Variants in NRXN3 observed in about 807,000 individuals in gnomAD.
The protein encoded by NRXN3 is neurexin 3.
A neutral mutation model predicts 137.6 loss-of-function variants in NRXN3; 32 were observed. The observed-to-expected ratio is 0.23, with a 90% CI of 0.18 to 0.31. The LOEUF is 0.31. NRXN3 is among the 10% of genes least tolerant of loss of function. The pLI is 1.00. For missense variants in NRXN3, 1,574 were observed against 2,062.5 expected, an observed-to-expected ratio of 0.76 and a Z score of 4.59; for synonymous variants, 798 against 784.5, an observed-to-expected ratio of 1.02 and a Z score of -0.29.
At chr14:79,364,274 A>G (rs2153423236) in intron 15 of NRXN3, among the ~76,000 whole-genome samples, 1 of 152,324 alleles carries the variant, frequency 6.6e-6, no homozygotes, top group Middle Eastern at 3.4e-3. Context: ...TAATGACCCC[A>G]TTGGAAGTCT....
chr14:79,121,981 C>G (rs574065520), intron 15 of NRXN3, among the ~76,000 whole-genome samples: 2 of 152,254 alleles, frequency 1.3e-5, no homozygotes, highest in South Asian at 4.2e-4. Context: ...CACACCATGC[C>G]ACAAACTTTG....
chr14:79,123,473 G>A (rs548110202), intron 15 of NRXN3, among the ~76,000 whole-genome samples: 5 of 152,220 alleles, frequency 3.3e-5, no homozygotes, highest in Admixed American at 3.3e-4. Flanking sequence ...CTGAAAAATA[G>A]GACCTAAAAT....
At chr14:79,632,016 G>C (rs2098356661) in intron 16 of NRXN3, among the ~76,000 whole-genome samples, 1 of 152,158 alleles carries the variant, frequency 6.6e-6, no homozygotes, top group East Asian at 1.9e-4. Context: ...CAGGCCACCT[G>C]AGCCAGCAGC....
chr14:78,414,819 C>T (rs73329110), intron 4 of NRXN3, among the ~76,000 whole-genome samples: 3,692 of 151,906 alleles, frequency 0.024, 127 homozygotes, highest in African/African-American at 0.08. Flanking sequence ...CACACGATCT[C>T]GGAGGGGTAG....
At position 78,398,337 on chromosome 14, in the gene NRXN3, C is replaced by T. The variant is rs559341926; in HGVS notation, c.757+100477C>T. Among the ~76,000 whole-genome samples, 427 of 151,714 alleles carry T rather than the reference C, an allele frequency of 2.8e-3. 1 individual carries two copies. Among genetic ancestry groups the T allele is most frequent in the South Asian group, 0.017 (84 of 4,806 alleles). ...TCTCAGTTCTTGCTATGATGTGTTT[C>T]CATTGAAACCTGGACACTTTGGTTA... is the stretch of plus-strand genomic sequence containing the variant. On this transcript the variant is annotated intron_variant, in intron 4 of 20. Coordinates refer to ENST00000335750, the MANE Select transcript of NRXN3 (RefSeq NM_001330195.2).
chr14:78,764,504 A>G lies in NRXN3; in HGVS notation c.2045-39116A>G, dbSNP rs116204330. ...CCCACCTATCACACTCCAAAACAAC[A>G]TGTGGGAAACATACCTTAAACAGCT... On this transcript the variant is annotated intron_variant, in intron 8 of 20. Transcript: ENST00000335750. Among the ~76,000 whole-genome samples the G allele has an allele frequency of 1.9e-3, 293 of 152,274 alleles. 1 individual carries two copies. Among genetic ancestry groups the G allele is most frequent in the African/African-American group, 6.8e-3 (282 of 41,558 alleles).
At chr14:78,701,049 C>T (rs975083703) in intron 6 of NRXN3, among the ~76,000 whole-genome samples, 38 of 152,214 alleles carry the variant, frequency 2.5e-4, no homozygotes, top group South Asian at 1.2e-3. Context: ...GGATTACAGG[C>T]GTGAGCCACT....
intron 16 of NRXN3, among the ~76,000 whole-genome samples, chr14:79,470,276 T>C (rs2096483214): frequency 6.6e-6 from 1 of 152,268 alleles, no homozygotes; most frequent in Admixed American, 6.5e-5. Flanking sequence ...AACAGAATAT[T>C]TGAGATTTGG....
chr14:78,492,274 G>A (rs957935630), intron 4 of NRXN3, among the ~76,000 whole-genome samples: 2 of 151,810 alleles, frequency 1.3e-5, no homozygotes, highest in Non-Finnish European at 2.9e-5. Flanking sequence ...CTAGATTTTT[G>A]GATTTTTTTA....
intron 4 of NRXN3, among the ~76,000 whole-genome samples, chr14:78,404,237 T>C (rs1484899198): frequency 6.8e-6 from 1 of 147,878 alleles, no homozygotes; most frequent in African/African-American, 2.5e-5. Context: ...TGTCGCTGCA[T>C]GGGAGCAGGC....
chr14:79,467,531 G>T, intron 16 of NRXN3, 129 bp downstream of exon 16: 1 of 788,768 alleles, frequency 1.3e-6, no homozygotes, highest in Non-Finnish European at 1.9e-6. Flanking sequence ...ATTGTTTTCA[G>T]ATGTGAACCA....
chr14:78,734,246 CACACACA>C (rs1396967436), intron 8 of NRXN3, among the ~76,000 whole-genome samples: 166 of 149,392 alleles, frequency 1.1e-3, no homozygotes, highest in Non-Finnish European at 1.9e-3. Flanking sequence ...CACACACACA[CACACACA>C]CCCTTTTCAT....
intron 15 of NRXN3, among the ~76,000 whole-genome samples, chr14:79,007,259 A>T (rs1269468205): frequency 3.3e-5 from 5 of 152,146 alleles, no homozygotes; most frequent in Non-Finnish European, 5.9e-5. Flanking sequence ...CCTGCTCTGT[A>T]TTCTAACCCT....
At chr14:79,508,390 A>ATTTTTTTTTTTTGTTTTTTTTTTTTTTT (rs2096898854) in intron 16 of NRXN3, among the ~76,000 whole-genome samples, 1 of 48,240 alleles carries the variant, frequency 2.1e-5, no homozygotes, top group Non-Finnish European at 4.0e-5. Context: ...ACAATAACTG[A>ATTTTTTTTTTTTGTTTTTTTTTTTTTTT]TTTTTTTTTT....
intron 10 of NRXN3, among the ~76,000 whole-genome samples, chr14:78,925,651 T>C (rs1278264851): frequency 6.6e-6 from 1 of 152,160 alleles, no homozygotes; most frequent in African/African-American, 2.4e-5. Context: ...GAAATGATCT[T>C]GAATGACCTC....
intron 15 of NRXN3, among the ~76,000 whole-genome samples, chr14:79,015,774 A>G (rs547295674): frequency 6.6e-6 from 1 of 152,296 alleles, no homozygotes; most frequent in African/African-American, 2.4e-5. Context: ...AAGCACGTTT[A>G]AACACAGTAG....
At position 79,045,436 on chromosome 14, in the gene NRXN3, A is replaced by G. The variant is rs144411742; in HGVS notation, c.3262+57295A>G. ...ATAAGCCTGCATCCCCACAAGCCGC[A>G]TGAATCATGTCCTAGGATAATGACT... On this transcript the variant is annotated intron_variant, in intron 15 of 20. Coordinates refer to ENST00000335750, the MANE Select transcript of NRXN3 (RefSeq NM_001330195.2). Among the ~76,000 whole-genome samples, 367 of 152,300 alleles carry G rather than the reference A, an allele frequency of 2.4e-3. 1 individual carries two copies. Among genetic ancestry groups the G allele is most frequent in the African/African-American group, 8.3e-3 (346 of 41,568 alleles).
rs1486370302 is a variant in NRXN3, at chr14:79,338,242, T to TGTGTGTGTGTGA, written c.3263-128970_3263-128969insTGAGTGTGTGTG. ...GAGTGTGTGTGTGTGTGTGTGTGTG[T>TGTGTGTGTGTGA]GTGTGTGTGAAGGAAGAGTAAGTGT... On this transcript the variant is annotated intron_variant, in intron 15 of 20. Coordinates refer to ENST00000335750, the MANE Select transcript of NRXN3 (RefSeq NM_001330195.2). Among the ~76,000 whole-genome samples, 43 of 151,458 alleles carry TGTGTGTGTGTGA rather than the reference T, an allele frequency of 2.8e-4. No homozygotes were observed. The East Asian group carries it at 7.6e-3, about 27-fold the overall frequency.
intron 6 of NRXN3, among the ~76,000 whole-genome samples, chr14:78,667,546 A>T (rs1236170972): frequency 1.3e-5 from 2 of 152,342 alleles, no homozygotes; most frequent in Admixed American, 6.5e-5. Flanking sequence ...AAAAGAATTT[A>T]TATCCCCCAA....
Sources: allele counts gnomAD v4.1 joint callset (sites outside exome capture counted in the v4.1 genomes callset), GRCh38; gene constraint gnomAD v4.1.1; transcripts MANE v1.5; gene names NCBI Gene and HGNC (gene_info 2026-07-23, HGNC 2026-07-21).